Variants in AZIN2 observed in about 807,000 individuals in gnomAD.
The protein encoded by AZIN2 is ODC antizyme inhibitor-2.
AZIN2 carries 28 observed loss-of-function variants against 47.8 expected under a neutral mutation model. The observed-to-expected ratio is 0.59, with a 90% CI of 0.43 to 0.80. The LOEUF (loss-of-function observed/expected upper bound fraction) is 0.80. AZIN2 is among the 30% of genes least tolerant of loss of function. The probability of loss-of-function intolerance (pLI) is 0.00; values close to 1 mark genes in which losing one functional copy is unlikely to be tolerated. For synonymous variants in AZIN2, 221 were observed against 239.4 expected (o/e 0.92, Z 0.71); for missense variants, 535 against 582.5 (o/e 0.92, Z 0.84).
intron 5 of AZIN2, among the ~76,000 whole-genome samples, chr1:33,084,807 C>T (rs1181362611): frequency 9.9e-5 from 15 of 152,080 alleles, no homozygotes; most frequent in African/African-American, 3.4e-4. Context: ...AGCATGTTGG[C>T]CAGGTTGATC....
At chr1:33,119,413 G>C (rs1275461535) in intron 11 of AZIN2, 2 of 156,486 alleles carry the variant, frequency 1.3e-5, no homozygotes, top group Non-Finnish European at 2.8e-5. Flanking sequence ...GTTACCCATG[G>C]GGATGGAGAC....
chr1:33,149,590 G>A, the AZIN2 span, among the ~76,000 whole-genome samples: 1 of 151,910 alleles, frequency 6.6e-6, no homozygotes, highest in Non-Finnish European at 1.5e-5. Flanking sequence ...GAGTAGCTGA[G>A]ACTATAGGCA....
At chr1:33,150,159 G>C in the AZIN2 span, among the ~76,000 whole-genome samples, 6 of 152,244 alleles carry the variant, frequency 3.9e-5, no homozygotes, top group Non-Finnish European at 7.3e-5. Flanking sequence ...CCATTTCCAG[G>C]CAACAGCAAG....
chr1:33,141,597 T>G, the AZIN2 span, among the ~76,000 whole-genome samples: 6 of 152,312 alleles, frequency 3.9e-5, no homozygotes, highest in East Asian at 1.2e-3. Flanking sequence ...TCCCCAGCCC[T>G]TATCATGACA....
intron 5 of AZIN2, among the ~76,000 whole-genome samples, chr1:33,087,892 A>G (rs1453758613): frequency 2.0e-5 from 3 of 152,182 alleles, no homozygotes; most frequent in East Asian, 1.9e-4. Context: ...GTCCAGACAC[A>G]TGTCTCGCTG....
downstream of AZIN2, among the ~76,000 whole-genome samples, chr1:33,123,634 G>C (rs1333533461): frequency 6.6e-6 from 1 of 152,218 alleles, no homozygotes; most frequent in Non-Finnish European, 1.5e-5. Context: ...GGAGGCCAAG[G>C]CTGGTGGATC....
At chr1:33,130,459 G>T in the AZIN2 span, among the ~76,000 whole-genome samples, 1 of 152,204 alleles carries the variant, frequency 6.6e-6, no homozygotes, top group East Asian at 1.9e-4. Flanking sequence ...GAACTGCCCT[G>T]TGGGTAGGTC....
chr1:33,084,581 C>T (rs1439299945), intron 5 of AZIN2, among the ~76,000 whole-genome samples: 1 of 152,006 alleles, frequency 6.6e-6, no homozygotes. Flanking sequence ...TTCATTCCCT[C>T]CTGCTCTCTT....
At chr1:33,136,065 C>T in the AZIN2 span, among the ~76,000 whole-genome samples, 1 of 151,972 alleles carries the variant, frequency 6.6e-6, no homozygotes, top group Non-Finnish European at 1.5e-5. Flanking sequence ...TCTTGACTGC[C>T]CCCATCCCTG....
intron 5 of AZIN2, among the ~76,000 whole-genome samples, chr1:33,090,820 T>G (rs1642460013): frequency 6.6e-6 from 1 of 152,194 alleles, no homozygotes; most frequent in South Asian, 2.1e-4. Context: ...ACTAAAACTT[T>G]GTATCCTTTG....
In AZIN2 at chr1:33,088,774, G is replaced by T. The variant is rs1387856767; in HGVS notation, c.280-3276G>T. ...GATTCTTTCCTTCCCTCTTGGCCTG[G>T]CTGAGGCCTCCTGCAGGGCTCAGTT... On this transcript the variant is annotated intron_variant, in intron 5 of 11. Coordinates refer to ENST00000294517, the MANE Select transcript of AZIN2 (RefSeq NM_052998.4). Among the ~76,000 whole-genome samples, 7 of 152,228 alleles carry T rather than the reference G, an allele frequency of 4.6e-5. No individual in the cohort carries two copies. In the East Asian group the frequency reaches 1.4e-3, roughly 30 times the overall value.
the AZIN2 span, among the ~76,000 whole-genome samples, chr1:33,130,989 G>A: frequency 6.6e-6 from 1 of 152,170 alleles, no homozygotes; most frequent in African/African-American, 2.4e-5. Context: ...GTGAGGGATG[G>A]TATTTGCTAG....
At chr1:33,124,849 C>G (rs996753173), downstream of AZIN2, among the ~76,000 whole-genome samples, 3 of 152,218 alleles carry the variant, frequency 2.0e-5, no homozygotes, top group African/African-American at 7.2e-5. This position sits in a 1 kb window ranked among gnomAD's most constrained non-coding sequence, Gnocchi z 4.6. Flanking sequence ...AGGACAGGAA[C>G]TCATCCTTTT....
Position 33,121,631 on chromosome 1 carries a change from A to G in AZIN2, c.*1449A>G, listed in dbSNP as rs1376179786. 1.3e-5 allele frequency among the ~76,000 whole-genome samples: 2 copies of G among 152,216 alleles called. No individual in the cohort carries two copies. Among genetic ancestry groups the G allele is most frequent in the African/African-American group, 4.8e-5 (2 of 41,462 alleles). On this transcript the variant is annotated 3_prime_UTR_variant, in exon 12 of 12. Coordinates refer to ENST00000294517, the MANE Select transcript of AZIN2 (RefSeq NM_052998.4). ...GAAGTTAGTGGTTTCTGGTGTATTC[A>G]GAGTTGTGTAACCATCACCCTAGAA... is the stretch of plus-strand genomic sequence containing the variant.
chr1:33,148,009 C>T, the AZIN2 span, among the ~76,000 whole-genome samples: 5 of 152,136 alleles, frequency 3.3e-5, no homozygotes, highest in African/African-American at 1.2e-4. Context: ...TGGGCACTGG[C>T]AAATGTTTGT....
At chr1:33,084,267 G>A in intron 5 of AZIN2, 140 bp downstream of exon 5, 1 of 884,026 alleles carries the variant, frequency 1.1e-6, no homozygotes, top group East Asian at 2.6e-5. Context: ...CACTCAGGAG[G>A]GGTCTCAAGG....
chr1:33,112,713 A>G (rs1014437410), intron 10 of AZIN2, among the ~76,000 whole-genome samples: 2 of 152,164 alleles, frequency 1.3e-5, no homozygotes, highest in African/African-American at 4.8e-5. Context: ...TATCTTAGAC[A>G]TGATACAAAT....
the AZIN2 span, among the ~76,000 whole-genome samples, chr1:33,136,530 A>G: frequency 6.6e-6 from 1 of 151,540 alleles, no homozygotes; most frequent in East Asian, 2.0e-4. Flanking sequence ...CACCACACCT[A>G]GCTAATTTTT....
chr1:33,152,573 GAA>G, the AZIN2 span, among the ~76,000 whole-genome samples: 387 of 102,834 alleles, frequency 3.8e-3, 1 homozygote, highest in African/African-American at 0.013. Context: ...GTCTCAAAAA[GAA>G]AAAAAAAAAA....
Sources: gnomAD v4.1 joint callset for allele counts (sites outside exome capture counted in the v4.1 genomes callset) on GRCh38, gnomAD v4.1.1 for gene constraint, Gnocchi (gnomAD v3.1) non-coding constraint, MANE v1.5 for transcripts, NCBI Gene and HGNC (gene_info 2026-07-23, HGNC 2026-07-21) for gene names.